Variants in CSMD1 observed in about 807,000 individuals in gnomAD.
The protein encoded by CSMD1 is CUB and sushi domain-containing protein 1.
A neutral mutation model predicts 417.5 loss-of-function variants in CSMD1; 213 were observed. The observed-to-expected ratio is 0.51, with a 90% CI of 0.46 to 0.57. CSMD1 has a LOEUF of 0.57. Ranked by LOEUF, CSMD1 falls within the 20% of genes least tolerant of loss-of-function variation. CSMD1 has a pLI of 0.00. For synonymous variants in CSMD1, 2,862 were observed against 1,736.8 expected, an observed-to-expected ratio of 1.65 and a Z score of -16.11; for missense variants, 6,923 against 4,529.7, an observed-to-expected ratio of 1.53 and a Z score of -15.17.
At chr8:3,289,583 TGAG>T (rs35874693) in intron 25 of CSMD1, among the ~76,000 whole-genome samples, 74,553 of 144,176 alleles carry the variant, frequency 0.52, 21,959 homozygotes, top group South Asian at 0.62. Flanking sequence ...CCGGTGATGA[TGAG>T]CATTTTTTCA....
At chr8:4,853,279 A>G (rs1002810622) in intron 1 of CSMD1, among the ~76,000 whole-genome samples, 2 of 152,156 alleles carry the variant, frequency 1.3e-5, no homozygotes, top group Middle Eastern at 3.2e-3. Context: ...GAGGTCTACA[A>G]AGAAAGAACA....
intron 21 of CSMD1, 98 bp downstream of exon 21, chr8:3,359,054 T>G: frequency 8.8e-7 from 1 of 1,141,544 alleles, no homozygotes; most frequent in Non-Finnish European, 1.3e-6. Flanking sequence ...TCCTTCCTTG[T>G]CAACAAACCC....
rs375840836 is a variant in CSMD1 at position 3,135,279 on chromosome 8, C to G, written c.6241+7186G>C. Among the ~76,000 whole-genome samples the G allele has an allele frequency of 1.7e-3, 256 of 152,296 alleles. 10 individuals carry two copies. The South Asian group carries it at 0.031, about 18-fold the overall frequency. ...AAGCACATGAGGACATAAGAAAACA[C>G]TAATAAAAATCTCTTGCATACAAAT... On this transcript the variant is annotated intron_variant, in intron 41 of 69. Transcript: ENST00000635120.
intron 1 of CSMD1, among the ~76,000 whole-genome samples, chr8:4,764,885 A>AACAAAAAACAAAACAAAACAAAAC (rs1554473643): frequency 2.7e-5 from 2 of 74,810 alleles, no homozygotes; most frequent in East Asian, 7.0e-4. Context: ...AAAAAAAAAA[A>AACAAAAAACAAAACAAAACAAAAC]AAAAAAAAAC....
chr8:3,729,451 A>T lies in CSMD1; in HGVS notation c.932-20960T>A, dbSNP rs572128084. Among the ~76,000 whole-genome samples, 14 of 152,324 alleles carry T rather than the reference A, an allele frequency of 9.2e-5. No individual in the cohort carries two copies. The South Asian group carries it at 2.9e-3, about 32-fold the overall frequency. ...AGAGGGATATAATATCCGCCAGTAG[A>T]TGAAATACATTTCAAGTGCTTGAAC... On this transcript the variant is annotated intron_variant, in intron 6 of 69. Coordinates refer to ENST00000635120, the MANE Select transcript of CSMD1 (RefSeq NM_033225.6).
At chr8:4,398,950 T>A (rs1804456695) in intron 3 of CSMD1, among the ~76,000 whole-genome samples, 1 of 152,218 alleles carries the variant, frequency 6.6e-6, no homozygotes, top group South Asian at 2.1e-4. Flanking sequence ...TTCTTGAGAA[T>A]GTTTTTTAAA....
At chr8:3,899,809 C>G (rs1207914083) in intron 5 of CSMD1, among the ~76,000 whole-genome samples, 1 of 152,142 alleles carries the variant, frequency 6.6e-6, no homozygotes, top group Non-Finnish European at 1.5e-5. Flanking sequence ...GTGGATAGCA[C>G]CCTTCAGTAT....
chr8:4,772,215 G>C (rs939172975), intron 1 of CSMD1, among the ~76,000 whole-genome samples: 3 of 152,126 alleles, frequency 2.0e-5, no homozygotes, highest in African/African-American at 4.8e-5. Context: ...TCTGCTTCCA[G>C]CAGCAGCCTG....
At chr8:3,477,772 A>G (rs1246337162) in intron 11 of CSMD1, among the ~76,000 whole-genome samples, 2 of 152,132 alleles carry the variant, frequency 1.3e-5, no homozygotes, top group Non-Finnish European at 2.9e-5. Flanking sequence ...TTGAGGAGGT[A>G]CTGAGAGCAA....
chr8:4,606,896 C>A (rs945864740), intron 2 of CSMD1, among the ~76,000 whole-genome samples: 7 of 152,084 alleles, frequency 4.6e-5, no homozygotes, highest in African/African-American at 1.4e-4. Flanking sequence ...AACTTTCTCC[C>A]CATTATATCA....
At chr8:3,742,988 C>T (rs928662013) in intron 6 of CSMD1, among the ~76,000 whole-genome samples, 2 of 152,102 alleles carry the variant, frequency 1.3e-5, no homozygotes, top group African/African-American at 4.8e-5. Context: ...CTAGTGGAAG[C>T]AGTAAAATCC....
At chr8:4,445,261 A>G (rs780179107) in intron 2 of CSMD1, among the ~76,000 whole-genome samples, 2 of 152,092 alleles carry the variant, frequency 1.3e-5, no homozygotes, top group Admixed American at 6.5e-5. Flanking sequence ...TTCTAGCCAT[A>G]TGTTCTCTGT....
intron 3 of CSMD1, among the ~76,000 whole-genome samples, chr8:4,402,574 C>G (rs146290374): frequency 0.01 from 1,571 of 152,218 alleles, 17 homozygotes; most frequent in South Asian, 0.055. Context: ...TGAAGGGAGA[C>G]TTTTATAGAA....
chr8:3,199,583 A>G (rs983770502), intron 33 of CSMD1, 131 bp downstream of exon 33: 1 of 410,172 alleles, frequency 2.4e-6, no homozygotes, highest in Non-Finnish European at 4.3e-6. Context: ...TAAACATATG[A>G]ACACCTTCAG....
rs575085498 is a variant in CSMD1 at position 4,798,315 on chromosome 8, T to C, written c.86-160757A>G. 1.2e-3 allele frequency among the ~76,000 whole-genome samples: 187 copies of C among 152,326 alleles called. 1 individual carries two copies. The highest frequency in any genetic ancestry group is 3.8e-3 in the African/African-American group (157 of 41,564). On this transcript the variant is annotated intron_variant, in intron 1 of 69. Coordinates refer to ENST00000635120, the MANE Select transcript of CSMD1 (RefSeq NM_033225.6). ...CTGAGAATGATGGTTTCTAGCTTCA[T>C]CCATGTCCCTACAAAGGACATGAAC...
At chr8:3,606,070 C>T (rs554235379) in intron 8 of CSMD1, among the ~76,000 whole-genome samples, 3 of 152,182 alleles carry the variant, frequency 2.0e-5, no homozygotes, top group South Asian at 2.1e-4. Flanking sequence ...AACATAAATA[C>T]ATGTATAAAA....
intron 3 of CSMD1, among the ~76,000 whole-genome samples, chr8:4,348,579 G>T (rs1315092234): frequency 7.0e-6 from 1 of 143,334 alleles, no homozygotes; most frequent in African/African-American, 2.6e-5. Flanking sequence ...ATCTGTGTGT[G>T]TGTATGCATG....
At chr8:2,970,034 G>C (rs965467295) in intron 57 of CSMD1, among the ~76,000 whole-genome samples, 1 of 152,142 alleles carries the variant, frequency 6.6e-6, no homozygotes, top group Non-Finnish European at 1.5e-5. Flanking sequence ...TAAGGGCTAA[G>C]TTTCTAATTT....
chr8:4,469,199 T>G (rs1800372112), intron 2 of CSMD1, among the ~76,000 whole-genome samples: 1 of 152,062 alleles, frequency 6.6e-6, no homozygotes, highest in Non-Finnish European at 1.5e-5. Context: ...ACCTAGAAAT[T>G]ACCTCTCCAA....
Sources: allele counts gnomAD v4.1 joint callset (sites outside exome capture counted in the v4.1 genomes callset), GRCh38; gene constraint gnomAD v4.1.1; transcripts MANE v1.5; gene names NCBI Gene and HGNC (gene_info 2026-07-23, HGNC 2026-07-21).